SSBP2: variants seen among roughly 807,000 people sequenced by gnomAD.
SSBP2 encodes the protein single stranded DNA binding protein 2, also known as single-stranded DNA-binding protein 2.
SSBP2 carries 17 observed loss-of-function variants against 61.8 expected under a neutral mutation model. The ratio of observed to expected loss-of-function variants is 0.28; its 90% CI spans 0.19 to 0.41. SSBP2 has a LOEUF of 0.41. Among genes scored for constraint, SSBP2 ranks in the 10% least tolerant of loss-of-function variants. The pLI, the probability that SSBP2 is intolerant of heterozygous loss-of-function variation, is 1.00. For synonymous variants in SSBP2, 139 were observed against 141.3 expected (o/e 0.98, Z 0.12); for missense variants, 310 against 458.7 (o/e 0.68, Z 2.96).
rs1389218535 is a variant in SSBP2, at chr5:81,417,144, A to C, written c.*3360T>G. ...CCTCCCAAGTGCTGGGATTACAGGC[A>C]TGAGTGCCCAGGCGGCAATTGAGAA... On this transcript the variant is annotated 3_prime_UTR_variant, in exon 17 of 17. Coordinates refer to ENST00000320672, the MANE Select transcript of SSBP2 (RefSeq NM_012446.5). The C allele has an allele frequency of 6.6e-6, 1 of 152,224 alleles. No homozygotes were observed. Among genetic ancestry groups the C allele is most frequent in the Non-Finnish European group, 1.5e-5 (1 of 68,054 alleles). The allele number at this position is 152,224 out of a possible 1,614,324, so 9.4% of individuals were successfully genotyped here.
At chr5:81,587,785 T>A (rs575988966) in intron 4 of SSBP2, among the ~76,000 whole-genome samples, 8 of 137,034 alleles carry the variant, frequency 5.8e-5, no homozygotes, top group Non-Finnish European at 1.1e-4. Context: ...ACACACACAC[T>A]AATGCTTGAA....
At chr5:81,501,427 G>A (rs1767754543) in intron 5 of SSBP2, among the ~76,000 whole-genome samples, 1 of 149,654 alleles carries the variant, frequency 6.7e-6, no homozygotes, top group South Asian at 2.1e-4. Flanking sequence ...ATGACATAGA[G>A]AAGGTAGTAT....
chr5:81,482,579 T>C (rs1766074420), intron 6 of SSBP2, among the ~76,000 whole-genome samples: 1 of 152,194 alleles, frequency 6.6e-6, no homozygotes, highest in Non-Finnish European at 1.5e-5. Context: ...CCCGCCGCCC[T>C]CAGGCTTTTC....
At chr5:81,748,009 C>A (rs1263148707) in intron 1 of SSBP2, among the ~76,000 whole-genome samples, 1 of 152,124 alleles carries the variant, frequency 6.6e-6, no homozygotes, top group African/African-American at 2.4e-5. Flanking sequence ...GAACTGTATA[C>A]TGAAATTACA....
chr5:81,743,176 C>G (rs1325493981), intron 1 of SSBP2, among the ~76,000 whole-genome samples: 1 of 152,132 alleles, frequency 6.6e-6, no homozygotes, highest in Non-Finnish European at 1.5e-5. Flanking sequence ...ACACCCAATT[C>G]CTCCATTTTA....
chr5:81,730,579 C>T (rs1321403893), intron 1 of SSBP2, among the ~76,000 whole-genome samples: 1 of 152,162 alleles, frequency 6.6e-6, no homozygotes, highest in Non-Finnish European at 1.5e-5. Context: ...TACAGTTTTA[C>T]TTGAGCTTCA....
chr5:81,750,565 A>G (rs182449399), intron 1 of SSBP2: 20,030 of 141,928 alleles, frequency 0.14, 1,356 homozygotes, highest in Admixed American at 0.18. Flanking sequence ...AAACACCCAC[A>G]TTCCCACTGC....
chr5:81,490,593 G>C (rs1241452677), intron 5 of SSBP2, among the ~76,000 whole-genome samples: 2 of 152,152 alleles, frequency 1.3e-5, no homozygotes, highest in South Asian at 2.1e-4. Flanking sequence ...CCTACATGTA[G>C]AATGTATTTT....
At chr5:81,502,906 A>G (rs924781086) in intron 5 of SSBP2, among the ~76,000 whole-genome samples, 1 of 152,244 alleles carries the variant, frequency 6.6e-6, no homozygotes, top group African/African-American at 2.4e-5. Flanking sequence ...AAATATTTGC[A>G]AACTATGCAT....
At chr5:81,623,829 G>A (rs1429773339) in intron 3 of SSBP2, among the ~76,000 whole-genome samples, 1 of 151,970 alleles carries the variant, frequency 6.6e-6, no homozygotes, top group East Asian at 1.9e-4. Context: ...TGCCTTTATG[G>A]ATTTAGTGGA....
chr5:81,596,246 A>G (rs1357494019), intron 4 of SSBP2, among the ~76,000 whole-genome samples: 2 of 151,814 alleles, frequency 1.3e-5, no homozygotes, highest in South Asian at 2.1e-4. Flanking sequence ...CAATTGCTTC[A>G]AAGAGAATAA....
rs900932765 is a variant in SSBP2 at position 81,587,736 on chromosome 5, TAC to T, written c.282+27735_282+27736del. 1.9e-4 allele frequency among the ~76,000 whole-genome samples: 28 copies of T among 144,118 alleles called. No homozygotes were observed. In the South Asian group the frequency reaches 2.5e-3, roughly 13 times the overall value. 94.5% of individuals were successfully genotyped at this position (144,118 alleles called of 152,430 possible). A position where few individuals can be genotyped will look rare whatever the true frequency, so the allele number is the denominator to read the frequency against. On this transcript the variant is annotated intron_variant, in intron 4 of 16. Coordinates refer to ENST00000320672, the MANE Select transcript of SSBP2 (RefSeq NM_012446.5). ...CAGAGCTAGACTCTGTCTCAAAACA[TAC>T]ACACACACGCACACACACGCGCGCG...
intron 2 of SSBP2, among the ~76,000 whole-genome samples, chr5:81,641,405 A>G (rs775924095): frequency 6.6e-6 from 1 of 152,198 alleles, no homozygotes; most frequent in Non-Finnish European, 1.5e-5. Flanking sequence ...TTTTTACTAC[A>G]TAGTATTCAT....
intron 12 of SSBP2, among the ~76,000 whole-genome samples, chr5:81,444,593 A>G (rs1763251940): frequency 6.6e-6 from 1 of 152,232 alleles, no homozygotes; most frequent in Non-Finnish European, 1.5e-5. Context: ...CTGCTAACTT[A>G]GATTTAACTG....
At chr5:81,656,404 A>G (rs1750213424) in intron 1 of SSBP2, among the ~76,000 whole-genome samples, 1 of 152,188 alleles carries the variant, frequency 6.6e-6, no homozygotes, top group African/African-American at 2.4e-5. Context: ...GACTGTCCCT[A>G]CAAAAATTAA....
chr5:81,734,388 T>C (rs911224241), intron 1 of SSBP2, among the ~76,000 whole-genome samples: 1 of 152,208 alleles, frequency 6.6e-6, no homozygotes, highest in African/African-American at 2.4e-5. Context: ...ACACAATTTC[T>C]CAGGTATATT....
intron 1 of SSBP2, among the ~76,000 whole-genome samples, chr5:81,689,603 C>T (rs1358246669): frequency 6.6e-6 from 1 of 151,474 alleles, no homozygotes; most frequent in Non-Finnish European, 1.5e-5. Flanking sequence ...ATAATATATC[C>T]AGCAAAAATA....
At chr5:81,664,610 A>T (rs1750959252) in intron 1 of SSBP2, among the ~76,000 whole-genome samples, 1 of 152,198 alleles carries the variant, frequency 6.6e-6, no homozygotes, top group Non-Finnish European at 1.5e-5. Context: ...CTATCTTAGC[A>T]CAGCATCCTC....
chr5:81,454,220 C>G (rs1383165609), intron 10 of SSBP2, among the ~76,000 whole-genome samples: 3 of 152,094 alleles, frequency 2.0e-5, no homozygotes, highest in African/African-American at 4.8e-5. Flanking sequence ...GTAACCCCTC[C>G]CAACTCTAGA....
Sources: allele counts gnomAD v4.1 joint callset (sites outside exome capture counted in the v4.1 genomes callset), GRCh38; gene constraint gnomAD v4.1.1; transcripts MANE v1.5; gene names NCBI Gene and HGNC (gene_info 2026-07-23, HGNC 2026-07-21).